Variants in NAV2 observed in about 807,000 individuals in gnomAD.
The protein encoded by NAV2 is neuron navigator 2.
Under a neutral mutation model 223.2 loss-of-function variants are expected in NAV2, and 54 were observed. That is an observed-to-expected ratio of 0.24 (90% CI 0.19 to 0.30). NAV2 has a LOEUF of 0.30. Among genes scored for constraint, NAV2 ranks in the 10% least tolerant of loss-of-function variants. The probability of loss-of-function intolerance (pLI) is 1.00; values close to 1 mark genes in which losing one functional copy is unlikely to be tolerated. For synonymous variants in NAV2, 1,279 were observed against 1,239.3 expected (o/e 1.03, Z -0.67); for missense variants, 2,806 against 3,147.5 (o/e 0.89, Z 2.60).
intron 1 of NAV2, among the ~76,000 whole-genome samples, chr11:19,799,830 T>A (rs962240300): frequency 6.6e-5 from 10 of 152,228 alleles, no homozygotes; most frequent in Non-Finnish European, 1.3e-4. Context: ...TCCCCCTTGC[T>A]ATATTCCACA....
intron 1 of NAV2, among the ~76,000 whole-genome samples, chr11:19,472,748 T>A (rs2042002301): frequency 6.6e-6 from 1 of 152,184 alleles, no homozygotes. Flanking sequence ...ATTTAGGCGG[T>A]GCTACTAAAC....
intron 1 of NAV2, among the ~76,000 whole-genome samples, chr11:19,521,769 G>T (rs2134331611): frequency 6.6e-6 from 1 of 152,298 alleles, no homozygotes; most frequent in East Asian, 1.9e-4. Flanking sequence ...GAATCAGAGG[G>T]AATAAGTAAC....
intron 11 of NAV2, among the ~76,000 whole-genome samples, chr11:19,985,402 C>G (rs545385996): frequency 2.0e-5 from 3 of 152,160 alleles, no homozygotes; most frequent in African/African-American, 7.2e-5. Context: ...TTAGAGTCCC[C>G]CCAGTGCCCA....
chr11:19,385,420 T>C (rs1848996591), intron 1 of NAV2, among the ~76,000 whole-genome samples: 1 of 152,244 alleles, frequency 6.6e-6, no homozygotes, highest in African/African-American at 2.4e-5. Flanking sequence ...AAGGAAGCCT[T>C]GTTAAGTTAG....
At chr11:19,606,751 A>C (rs2046484637) in intron 1 of NAV2, among the ~76,000 whole-genome samples, 1 of 152,270 alleles carries the variant, frequency 6.6e-6, no homozygotes, top group Admixed American at 6.5e-5. Context: ...GGAAGCAGAC[A>C]GAAGAGTCTC....
chr11:19,527,082 G>T (rs975816417), intron 1 of NAV2, among the ~76,000 whole-genome samples: 14 of 151,826 alleles, frequency 9.2e-5, no homozygotes, highest in Non-Finnish European at 1.8e-4. Context: ...ATATGGTTTG[G>T]CTGTGTCCCC....
At chr11:19,363,531 C>T (rs1309877023) in intron 1 of NAV2, among the ~76,000 whole-genome samples, 2 of 152,188 alleles carry the variant, frequency 1.3e-5, no homozygotes, top group Non-Finnish European at 2.9e-5. Flanking sequence ...TGAAGCTCTG[C>T]TATTGTGATT....
intron 1 of NAV2, among the ~76,000 whole-genome samples, chr11:19,460,459 C>G (rs554748348): frequency 3.9e-5 from 6 of 152,188 alleles, no homozygotes; most frequent in South Asian, 4.2e-4. Flanking sequence ...TGGGTGACCC[C>G]CAAATAGTAG....
chr11:19,657,461 A>C lies in NAV2; in HGVS notation c.76-175023A>C, dbSNP rs535456635. On this transcript the variant is annotated intron_variant, in intron 1 of 37. Coordinates refer to the NAV2 transcript ENST00000360655. ...TTTCAACACCCATATTCTTTGGATT[A>C]TGCCTCATCCAGAGGCAGATGGTCA... Among the ~76,000 whole-genome samples, 22 of 152,354 alleles carry C rather than the reference A, an allele frequency of 1.4e-4. No individual in the cohort carries two copies. The South Asian group carries it at 4.6e-3, about 32-fold the overall frequency.
chr11:19,466,378 A>G (rs551720137), intron 1 of NAV2, among the ~76,000 whole-genome samples: 1 of 152,228 alleles, frequency 6.6e-6, no homozygotes, highest in Admixed American at 6.5e-5. Context: ...CTCTTGGGAG[A>G]GATCATTTCT....
At chr11:19,515,297 C>G (rs1346394830) in intron 1 of NAV2, among the ~76,000 whole-genome samples, 3 of 152,154 alleles carry the variant, frequency 2.0e-5, no homozygotes, top group African/African-American at 7.2e-5. Flanking sequence ...CTCTCTTTTT[C>G]CATCTATAAA....
chr11:19,846,558 C>A (rs568426236), intron 3 of NAV2, among the ~76,000 whole-genome samples: 1 of 152,330 alleles, frequency 6.6e-6, no homozygotes, highest in African/African-American at 2.4e-5. Flanking sequence ...GGAAACACAA[C>A]CCGGTTGGAA....
chr11:20,092,211 A>G lies in NAV2; in HGVS notation c.5658A>G (p.Glu1886=). Residue 1886 remains glutamate, a synonymous_variant, in exon 28 of 38, where the codon GAA becomes GAG. Transcript: ENST00000349880. ...LREAMNRMQS[E]IEKLKAENDR... is the part of the protein sequence containing the mutation. The stretch of plus-strand genomic sequence containing the variant: ...TTCTCCATTACTCTTTGCAGAGTGA[A>G]ATAGAGAAGCTGAAAGCTGAGAATG... The G allele has an allele frequency of 6.2e-7, 1 of 1,614,138 alleles. No individual in the cohort carries two copies. The highest frequency in any genetic ancestry group is 1.3e-5 in the African/African-American group (1 of 75,052).
intron 1 of NAV2, among the ~76,000 whole-genome samples, chr11:19,489,409 T>C (rs1590317690): frequency 6.6e-6 from 1 of 152,208 alleles, no homozygotes; most frequent in South Asian, 2.1e-4. Context: ...TGTACTATGA[T>C]GTGGGAAGGC....
intron 1 of NAV2, among the ~76,000 whole-genome samples, chr11:19,533,211 T>G (rs933013550): frequency 1.3e-5 from 2 of 151,338 alleles, no homozygotes; most frequent in African/African-American, 2.4e-5. Flanking sequence ...TTTCTTAACC[T>G]CAGCACAATT....
chr11:19,914,339 C>G (rs2043589077), intron 6 of NAV2, among the ~76,000 whole-genome samples: 1 of 152,188 alleles, frequency 6.6e-6, no homozygotes, highest in South Asian at 2.1e-4. Flanking sequence ...TCTGTTCTGC[C>G]GAAATACTTG....
At chr11:19,781,356 A>G (rs1192650527) in intron 1 of NAV2, among the ~76,000 whole-genome samples, 3 of 152,092 alleles carry the variant, frequency 2.0e-5, no homozygotes, top group Admixed American at 1.3e-4. Context: ...GTTCACTGCA[A>G]TCCCCTCTTA....
Position 19,933,548 on chromosome 11 carries a change from G to T in NAV2, c.1304G>T (p.Ser435Ile), listed in dbSNP as rs779023675. 6.2e-6 allele frequency: 10 copies of T among 1,609,428 alleles called. No homozygotes were observed. The highest frequency in any genetic ancestry group is 8.5e-6 in the Non-Finnish European group (10 of 1,177,636). ...TGTGAGCGGCTGGAGACTCTGCCCA[G>T]CTTCGAAGAGAGCGAGGAGCTGGAG... is the stretch of plus-strand genomic sequence containing the variant. ...TSCERLETLP[S>I]FEESEELEAA... Residue 435 changes from serine to isoleucine, a missense_variant, in exon 7 of 38, where the codon AGC (serine) becomes ATC (isoleucine). Ser to Ile is a moderately radical substitution (Grantham distance 142, BLOSUM62 -2). Around this residue, in one of 4 missense-constraint regions of NAV2, gnomAD observed 1,167 missense variants for 1,180.5 expected, o/e 0.99. Transcript: ENST00000349880. This position sits in a 1 kb window ranked among gnomAD's most constrained non-coding sequence, Gnocchi z 4.3.
At chr11:19,392,923 T>G (rs866490022) in intron 1 of NAV2, among the ~76,000 whole-genome samples, 1 of 152,212 alleles carries the variant, frequency 6.6e-6, no homozygotes. Flanking sequence ...GATACGTGAC[T>G]TGCTCAGATT....
Sources: gnomAD v4.1 joint callset for allele counts (sites outside exome capture counted in the v4.1 genomes callset) on GRCh38, gnomAD v4.1.1 for gene constraint, gnomAD v4.1.1 regional missense constraint, Gnocchi (gnomAD v3.1) non-coding constraint, MANE v1.5 for transcripts, NCBI Gene and HGNC (gene_info 2026-07-23, HGNC 2026-07-21) for gene names.